The following PAK1 variants were observed in gnomAD, a reference collection of about 807,000 sequenced individuals.
The protein encoded by PAK1 is serine/threonine-protein kinase PAK 1.
In PAK1, 29 loss-of-function variants were observed where a neutral mutation model predicts 67.4. The ratio of observed to expected loss-of-function variants is 0.43; its 90% CI spans 0.32 to 0.59. The LOEUF (loss-of-function observed/expected upper bound fraction) is 0.59, where lower values mean the gene tolerates loss of function less well. PAK1 is among the 20% of genes least tolerant of loss of function. The pLI is 0.07. For synonymous variants in PAK1, 223 were observed against 237.4 expected (o/e 0.94, Z 0.56); for missense variants, 337 against 670.7 (o/e 0.50, Z 5.50).
rs147777619 is a variant in PAK1 at position 77,369,970 on chromosome 11, T to A, written c.477+4358A>T. 1.5e-3 allele frequency among the ~76,000 whole-genome samples: 235 copies of A among 152,340 alleles called. 4 individuals carry two copies. In the Middle Eastern group the frequency reaches 0.024, roughly 15 times the overall value. On this transcript the variant is annotated intron_variant, in intron 5 of 14. Transcript: ENST00000356341. ...TGTGTTTCTCTCAAATGTCTGCAGATCCTTAGCTATTCATTCATATTTATA... is the reference window on the plus strand; with the variant it reads ...TGTGTTTCTCTCAAATGTCTGCAGAACCTTAGCTATTCATTCATATTTATA...
At chr11:77,485,053 C>A in the PAK1 span, among the ~76,000 whole-genome samples, 4 of 152,230 alleles carry the variant, frequency 2.6e-5, no homozygotes, top group East Asian at 5.8e-4. Context: ...ATGGGAAAGA[C>A]CTGCCCCCAT....
intron 13 of PAK1, among the ~76,000 whole-genome samples, chr11:77,333,714 A>T (rs1336215355): frequency 1.3e-5 from 2 of 152,164 alleles, no homozygotes; most frequent in African/African-American, 4.8e-5. Flanking sequence ...AAGGTAAAGA[A>T]AAACAGTAAG....
At chr11:77,484,443 C>T in the PAK1 span, among the ~76,000 whole-genome samples, 1 of 152,114 alleles carries the variant, frequency 6.6e-6, no homozygotes, top group Non-Finnish European at 1.5e-5. Flanking sequence ...ATTCTAAGCT[C>T]GTTTTAGTGT....
At chr11:77,491,182 T>TA in the PAK1 span, among the ~76,000 whole-genome samples, 92 of 138,144 alleles carry the variant, frequency 6.7e-4, no homozygotes, top group Admixed American at 1.2e-3. Flanking sequence ...ATCCTATGTT[T>TA]AAAAAAAAAA....
At chr11:77,332,543 G>A (rs78646643) in intron 14 of PAK1, among the ~76,000 whole-genome samples, 187 bp downstream of exon 14, 1 of 151,400 alleles carries the variant, frequency 6.6e-6, no homozygotes, top group South Asian at 2.1e-4. Context: ...TTAACAGGCT[G>A]AGAAAGGCTA....
intron 1 of PAK1, chr11:77,396,959 T>C (rs1951911751): frequency 1.3e-5 from 2 of 152,224 alleles, no homozygotes; most frequent in South Asian, 4.1e-4. Flanking sequence ...ATTTTAAACT[T>C]TGTTTACAGG....
At chr11:77,524,299 T>C in the PAK1 span, among the ~76,000 whole-genome samples, 600 of 152,246 alleles carry the variant, frequency 3.9e-3, 3 homozygotes, top group African/African-American at 0.013. Flanking sequence ...CATCCCAACA[T>C]ACTTTAAATT....
intron 3 of PAK1, 47 bp from the exon 4 acceptor site, chr11:77,379,435 G>A (rs760765339): frequency 2.6e-6 from 4 of 1,567,144 alleles, no homozygotes; most frequent in Non-Finnish European, 2.6e-6. Context: ...AGTCACAGGG[G>A]AGCCTGAAAG....
chr11:77,327,607 C>T (rs1444151376), intron 14 of PAK1, among the ~76,000 whole-genome samples: 4 of 152,184 alleles, frequency 2.6e-5, no homozygotes, highest in Non-Finnish European at 5.9e-5. Context: ...CACCACCAGG[C>T]CTGCCTTACA....
rs962726757 is a variant in PAK1 at position 77,379,559 on chromosome 11, T to C, written c.292-171A>G. ...AGCCTCTTTTATAATATCTTTCTCA[T>C]TGAATTAGTCATTTCTTAAGATGTC... On this transcript the variant is annotated intron_variant, in intron 3 of 14. Transcript: ENST00000356341. 2.3e-5 allele frequency: 14 copies of C among 620,658 alleles called. No homozygotes were observed. In the African/African-American group the frequency reaches 2.4e-4, roughly 11 times the overall value. 38.4% of individuals were successfully genotyped at this position (620,658 alleles called of 1,614,324 possible). A position where few individuals can be genotyped will look rare whatever the true frequency, so the allele number is the denominator to read the frequency against.
intron 1 of PAK1, among the ~76,000 whole-genome samples, chr11:77,403,402 T>C (rs1213416221): frequency 6.6e-6 from 1 of 152,176 alleles, no homozygotes; most frequent in Non-Finnish European, 1.5e-5. Context: ...AGTTAGCCAA[T>C]ACTCTCATGA....
At chr11:77,518,632 C>G in the PAK1 span, among the ~76,000 whole-genome samples, 15 of 152,116 alleles carry the variant, frequency 9.9e-5, no homozygotes, top group Non-Finnish European at 2.2e-4. Flanking sequence ...AATCATTACA[C>G]CCACCAGCAG....
At chr11:77,452,082 TCA>T (rs1300374348) in intron 1 of PAK1, among the ~76,000 whole-genome samples, 9 of 152,196 alleles carry the variant, frequency 5.9e-5, no homozygotes, top group Non-Finnish European at 1.2e-4. Context: ...TTGCCCAAAA[TCA>T]CACAGTTAAT....
chr11:77,450,364 A>G (rs1464585436), intron 1 of PAK1, among the ~76,000 whole-genome samples: 6 of 152,174 alleles, frequency 3.9e-5, no homozygotes, highest in Admixed American at 1.3e-4. Context: ...TAAAAACCCG[A>G]AAGAACCTGG....
intron 2 of PAK1, among the ~76,000 whole-genome samples, chr11:77,388,292 G>C (rs564050468): frequency 3.9e-4 from 60 of 152,288 alleles, no homozygotes; most frequent in Middle Eastern, 6.8e-3. Context: ...CACCTATATA[G>C]ACAAGCCTGA....
intron 1 of PAK1, among the ~76,000 whole-genome samples, chr11:77,450,742 A>G (rs1956817579): frequency 6.6e-6 from 1 of 152,200 alleles, no homozygotes; most frequent in Admixed American, 6.5e-5. Context: ...CAGAGATCAC[A>G]ATGAAAAATG....
intron 14 of PAK1, among the ~76,000 whole-genome samples, chr11:77,331,973 A>G (rs556296967): frequency 6.6e-6 from 1 of 152,076 alleles, no homozygotes; most frequent in Admixed American, 6.5e-5. Context: ...AAACTCTGCC[A>G]GACTAATTCA....
chr11:77,392,338 TC>T lies in PAK1; in HGVS notation c.182del (p.Gly61GlufsTer83). The T allele has an allele frequency of 6.3e-7, 1 of 1,578,496 alleles. No individual in the cohort carries two copies. Among genetic ancestry groups the T allele is most frequent in the Non-Finnish European group, 8.6e-7 (1 of 1,158,642 alleles). On this transcript the variant is annotated frameshift_variant, in exon 2 of 15. Coordinates refer to ENST00000356341, the MANE Select transcript of PAK1 (RefSeq NM_002576.5). LOFTEE classifies it high-confidence loss of function. ...GAAAATCAAATACTATACTTTTATC[TC>T]CAGGTAAAATGGATCGGTAAAATCG... ...KDRFYRSILP[G>X]DKTNKKKEKE... is the part of the protein sequence containing the mutation.
At chr11:77,453,956 GCC>G (rs1211876439) in intron 1 of PAK1, among the ~76,000 whole-genome samples, 3 of 152,128 alleles carry the variant, frequency 2.0e-5, no homozygotes, top group Admixed American at 2.0e-4. Context: ...GGTGGCACGT[GCC>G]TGTAGCCCCA....
Sources: allele counts gnomAD v4.1 joint callset (sites outside exome capture counted in the v4.1 genomes callset), GRCh38; gene constraint gnomAD v4.1.1; transcripts MANE v1.5; gene names NCBI Gene and HGNC (gene_info 2026-07-23, HGNC 2026-07-21).